The following SOX6 variants were observed in gnomAD, a reference collection of about 807,000 sequenced individuals.
SOX6 encodes the protein transcription factor SOX-6.
SOX6 carries 11 observed loss-of-function variants against 97.8 expected under a neutral mutation model. The observed-to-expected ratio is 0.11, with a 90% CI of 0.07 to 0.19. The LOEUF (loss-of-function observed/expected upper bound fraction) is 0.19, where lower values mean the gene tolerates loss of function less well. SOX6 is among the 10% of genes least tolerant of loss of function. The pLI, the probability that SOX6 is intolerant of heterozygous loss-of-function variation, is 1.00. For missense variants in SOX6, 810 were observed against 1,039.5 expected (o/e 0.78, Z 3.04); for synonymous variants, 360 against 371.4 (o/e 0.97, Z 0.35).
At chr11:16,008,121 C>T (rs1854610657) in intron 13 of SOX6, among the ~76,000 whole-genome samples, 1 of 152,028 alleles carries the variant, frequency 6.6e-6, no homozygotes, top group Non-Finnish European at 1.5e-5. Flanking sequence ...CTCTAGATTA[C>T]TTATGTTACC....
intron 6 of SOX6, among the ~76,000 whole-genome samples, chr11:16,177,555 A>C (rs1233595932): frequency 1.3e-5 from 2 of 151,872 alleles, no homozygotes; most frequent in African/African-American, 4.8e-5. Context: ...TGTAAAGGAA[A>C]ACATTAAATT....
chr11:16,528,575 A>G (rs1861199169), intron 4 of SOX6, among the ~76,000 whole-genome samples: 1 of 152,114 alleles, frequency 6.6e-6, no homozygotes, highest in African/African-American at 2.4e-5. Flanking sequence ...TAAAACCAGT[A>G]TTGGCTATCA....
chr11:15,994,805 T>C (rs1175433998), intron 13 of SOX6, among the ~76,000 whole-genome samples: 2 of 152,116 alleles, frequency 1.3e-5, no homozygotes, highest in Non-Finnish European at 2.9e-5. Context: ...ATAGCTCATA[T>C]CAGCCCTGTC....
At chr11:16,009,754 A>G (rs1339734002) in intron 13 of SOX6, among the ~76,000 whole-genome samples, 1 of 152,052 alleles carries the variant, frequency 6.6e-6, no homozygotes, top group Non-Finnish European at 1.5e-5. Context: ...AATGTGAAGC[A>G]CTATATTCTG....
At position 16,179,071 on chromosome 11, in the gene SOX6, T is replaced by C. The variant is rs140797792; in HGVS notation, c.777+4815A>G. 3.3e-5 allele frequency among the ~76,000 whole-genome samples: 5 copies of C among 152,036 alleles called. No homozygotes were observed. In the East Asian group the frequency reaches 7.8e-4, roughly 24 times the overall value. On this transcript the variant is annotated intron_variant, in intron 6 of 15. Coordinates refer to ENST00000683767, the MANE Select transcript of SOX6 (RefSeq NM_001367873.1). ...AAGGCTAATGTACAAAGCAATTATT[T>C]CTGATCTTTAGACAACTACTTCACA...
intron 6 of SOX6, among the ~76,000 whole-genome samples, chr11:16,146,820 T>A (rs1850317169): frequency 6.6e-6 from 1 of 152,134 alleles, no homozygotes; most frequent in African/African-American, 2.4e-5. Context: ...CTCACACCAG[T>A]TAGAACGGTG....
chr11:16,679,298 C>A (rs1436124133), intron 3 of SOX6, among the ~76,000 whole-genome samples: 1 of 152,136 alleles, frequency 6.6e-6, no homozygotes, highest in East Asian at 1.9e-4. Flanking sequence ...TGTTATGGAG[C>A]CTCTGCTGGT....
At chr11:16,059,156 C>A (rs1416333181) in intron 9 of SOX6, among the ~76,000 whole-genome samples, 1 of 152,004 alleles carries the variant, frequency 6.6e-6, no homozygotes, top group East Asian at 1.9e-4. Flanking sequence ...TCTTCTCTTT[C>A]CATTTCTACT....
intron 4 of SOX6, among the ~76,000 whole-genome samples, chr11:16,569,730 G>A (rs566239807): frequency 5.9e-5 from 9 of 151,782 alleles, no homozygotes; most frequent in East Asian, 5.8e-4. Flanking sequence ...TTAGCCGGGC[G>A]TGGTGGCGGG....
At chr11:16,705,611 A>G (rs1356497365) in intron 3 of SOX6, among the ~76,000 whole-genome samples, 2 of 150,978 alleles carry the variant, frequency 1.3e-5, no homozygotes, top group Admixed American at 1.4e-4. Context: ...TGGACAACAG[A>G]GCAAAATCCC....
chr11:16,338,166 ATT>A (rs1565099297), intron 2 of SOX6, among the ~76,000 whole-genome samples: 2 of 151,946 alleles, frequency 1.3e-5, no homozygotes, highest in African/African-American at 4.8e-5. Context: ...TATTTTTTAG[ATT>A]TTCTTTTAAG....
intron 3 of SOX6, among the ~76,000 whole-genome samples, chr11:16,289,767 A>C (rs1298201016): frequency 1.3e-5 from 2 of 151,980 alleles, no homozygotes; most frequent in African/African-American, 4.8e-5. Flanking sequence ...ATAAAAGCAG[A>C]AGTTGATTGG....
intron 3 of SOX6, among the ~76,000 whole-genome samples, chr11:16,708,205 T>C (rs1848151697): frequency 6.6e-6 from 1 of 152,222 alleles, no homozygotes; most frequent in African/African-American, 2.4e-5. Context: ...ACAGACCTAA[T>C]GAAACCTTGA....
intron 4 of SOX6, among the ~76,000 whole-genome samples, chr11:16,536,502 C>T (rs1292852976): frequency 1.3e-5 from 2 of 152,256 alleles, no homozygotes; most frequent in African/African-American, 2.4e-5. Context: ...GGCGGGGCAT[C>T]GCCTCACCTG....
chr11:16,133,611 C>G (rs1334601314), intron 6 of SOX6, among the ~76,000 whole-genome samples: 1 of 152,172 alleles, frequency 6.6e-6, no homozygotes, highest in Admixed American at 6.6e-5. Context: ...AGGACAGATA[C>G]TAATCTAATT....
intron 13 of SOX6, among the ~76,000 whole-genome samples, chr11:16,012,223 CAT>C (rs1425349931): frequency 2.6e-5 from 4 of 152,032 alleles, no homozygotes; most frequent in Admixed American, 1.3e-4. Flanking sequence ...GAGAAAGTAT[CAT>C]ATGTACCTGT....
intron 3 of SOX6, among the ~76,000 whole-genome samples, chr11:16,633,762 C>A (rs1311340653): frequency 6.6e-6 from 1 of 152,234 alleles, no homozygotes; most frequent in Non-Finnish European, 1.5e-5. Flanking sequence ...CCATATATAA[C>A]TCTTGCCTAA....
intron 3 of SOX6, chr11:16,318,216 T>C: frequency 1.8e-6 from 1 of 550,494 alleles, no homozygotes; most frequent in Non-Finnish European, 3.2e-6. Flanking sequence ...TAATTTGTTA[T>C]CTTAAGAACC....
At chr11:16,145,819 G>A (rs1209447988) in intron 6 of SOX6, among the ~76,000 whole-genome samples, 7 of 152,242 alleles carry the variant, frequency 4.6e-5, no homozygotes, top group African/African-American at 1.7e-4. Context: ...TCTTCAAGGA[G>A]AACTACAAAT....
Sources: gnomAD v4.1 joint callset for allele counts (sites outside exome capture counted in the v4.1 genomes callset) on GRCh38, gnomAD v4.1.1 for gene constraint, MANE v1.5 for transcripts, NCBI Gene and HGNC (gene_info 2026-07-23, HGNC 2026-07-21) for gene names.